Variants in CENPM observed in about 807,000 individuals in gnomAD.
CENPM encodes the protein interphase centromere complex protein 39.
CENPM carries 14 observed loss-of-function variants against 19.6 expected under a neutral mutation model. The ratio of observed to expected loss-of-function variants is 0.71; its 90% CI spans 0.47 to 1.11. The LOEUF (loss-of-function observed/expected upper bound fraction) is 1.11. Ranked by LOEUF, CENPM falls within the 50% of genes most tolerant of loss-of-function variation. The pLI is 0.00. For missense variants in CENPM, 239 were observed against 228.4 expected (o/e 1.05, Z -0.30); for synonymous variants, 114 against 101.5 (o/e 1.12, Z -0.74).
chr22:41,933,217 G>T, the CENPM span, among the ~76,000 whole-genome samples: 3 of 152,068 alleles, frequency 2.0e-5, no homozygotes, highest in Non-Finnish European at 4.4e-5. Flanking sequence ...TCAGCCCTGT[G>T]TGGGGCTAGC....
chr22:41,933,470 C>T, the CENPM span, among the ~76,000 whole-genome samples: 1 of 152,202 alleles, frequency 6.6e-6, no homozygotes, highest in East Asian at 1.9e-4. Context: ...CTCGCAGGGG[C>T]CCCAAGTTCG....
At chr22:41,931,864 G>A in the CENPM span, among the ~76,000 whole-genome samples, 1 of 152,236 alleles carries the variant, frequency 6.6e-6, no homozygotes, top group Admixed American at 6.5e-5. Context: ...ACTGCTCTGG[G>A]GCCTGGGATG....
At chr22:41,935,157 C>T (rs1449831158), downstream of CENPM, among the ~76,000 whole-genome samples, 1 of 152,238 alleles carries the variant, frequency 6.6e-6, no homozygotes, top group Non-Finnish European at 1.5e-5. Context: ...CTGTGTTCCC[C>T]AGTGCTTGGA....
At chr22:41,936,548 G>A (rs1277849545), downstream of CENPM, among the ~76,000 whole-genome samples, 2 of 152,166 alleles carry the variant, frequency 1.3e-5, no homozygotes, top group Admixed American at 6.5e-5. Flanking sequence ...AGATAGGGCC[G>A]CATCCCCGAC....
At chr22:41,944,915 G>C in intron 4 of CENPM, 1 of 1,212,810 alleles carries the variant, frequency 8.2e-7, no homozygotes, top group Non-Finnish European at 1.0e-6. Context: ...ATGTGTATAT[G>C]TGTTCTTTCG....
downstream of CENPM, among the ~76,000 whole-genome samples, chr22:41,938,094 G>A (rs1040829142): frequency 1.3e-5 from 2 of 150,760 alleles, no homozygotes; most frequent in East Asian, 1.9e-4. Context: ...TGCCCGCCTC[G>A]GCCTCCCAAA....
At chr22:41,932,866 C>T in the CENPM span, among the ~76,000 whole-genome samples, 1 of 152,202 alleles carries the variant, frequency 6.6e-6, no homozygotes, top group South Asian at 2.1e-4. This position sits in a 1 kb window ranked among gnomAD's most constrained non-coding sequence, Gnocchi z 4.3. Flanking sequence ...CGGATGCCTC[C>T]CCGTCACTCG....
At chr22:41,937,323 TC>T (rs1460273475), downstream of CENPM, among the ~76,000 whole-genome samples, 1 of 152,178 alleles carries the variant, frequency 6.6e-6, no homozygotes, top group Non-Finnish European at 1.5e-5. Context: ...GGAGATAGAG[TC>T]TCGCTCCGCT....
At chr22:41,927,480 T>C in the CENPM span, among the ~76,000 whole-genome samples, 1 of 150,932 alleles carries the variant, frequency 6.6e-6, no homozygotes. Flanking sequence ...CTGCCCTTCC[T>C]GGACAGAGCT....
chr22:41,945,451 T>A, intron 3 of CENPM, 147 bp from the exon 4 acceptor site: 1 of 1,347,530 alleles, frequency 7.4e-7, no homozygotes, highest in Non-Finnish European at 9.7e-7. Context: ...CCTTTAATTT[T>A]TTTTTTTTTT....
chr22:41,942,251 C>T (rs576467126), intron 5 of CENPM, among the ~76,000 whole-genome samples: 3 of 152,300 alleles, frequency 2.0e-5, no homozygotes, highest in South Asian at 2.1e-4. Flanking sequence ...AGACCCATCG[C>T]GGGGAGCACA....
the CENPM span, among the ~76,000 whole-genome samples, chr22:41,930,131 G>C: frequency 3.4e-5 from 5 of 148,784 alleles, no homozygotes; most frequent in Admixed American, 2.7e-4. Context: ...TTTTAGTAGA[G>C]ACGGGGTTTC....
intron 1 of CENPM, chr22:41,946,729 C>T: frequency 3.4e-6 from 2 of 595,624 alleles, no homozygotes; most frequent in Non-Finnish European, 3.0e-6. Context: ...CTCCCACCGC[C>T]GGCCTCTCCA....
chr22:41,944,604 C>T (rs949267021), intron 4 of CENPM: 2 of 906,568 alleles, frequency 2.2e-6, no homozygotes, highest in African/African-American at 1.8e-5. Context: ...AAGCAATTAC[C>T]GTGTCTGCCT....
chr22:41,942,147 C>T (rs1052170607), intron 5 of CENPM, among the ~76,000 whole-genome samples: 1 of 152,202 alleles, frequency 6.6e-6, no homozygotes, highest in Non-Finnish European at 1.5e-5. Flanking sequence ...CACAACTCTT[C>T]GAAATGTATC....
chr22:41,927,831 G>C, the CENPM span, among the ~76,000 whole-genome samples: 1 of 152,206 alleles, frequency 6.6e-6, no homozygotes, highest in Non-Finnish European at 1.5e-5. Flanking sequence ...GGCCCAAGTA[G>C]CATGTGGGTC....
chr22:41,933,746 G>A (rs916724964), downstream of CENPM, among the ~76,000 whole-genome samples: 1 of 152,192 alleles, frequency 6.6e-6, no homozygotes, highest in South Asian at 2.1e-4. Context: ...GGGTACACTG[G>A]AGGGGAGGGG....
At chr22:41,931,646 G>A in the CENPM span, among the ~76,000 whole-genome samples, 1 of 152,206 alleles carries the variant, frequency 6.6e-6, no homozygotes, top group Non-Finnish European at 1.5e-5. Context: ...GGCTTTAAGG[G>A]GCAAGGGCCC....
At chr22:41,945,077 T>C in intron 4 of CENPM, 148 bp downstream of exon 4, 1 of 1,517,160 alleles carries the variant, frequency 6.6e-7, no homozygotes, top group Admixed American at 2.1e-5. Flanking sequence ...ATCTTCTCCT[T>C]CTTCCTGCCC....
Sources: gnomAD v4.1 joint callset for allele counts (sites outside exome capture counted in the v4.1 genomes callset) on GRCh38, gnomAD v4.1.1 for gene constraint, Gnocchi (gnomAD v3.1) non-coding constraint, MANE v1.5 for transcripts, NCBI Gene and HGNC (gene_info 2026-07-23, HGNC 2026-07-21) for gene names.